PI4KA: variants seen among roughly 807,000 people sequenced by gnomAD.
PI4KA encodes the protein phosphatidylinositol 4-kinase alpha.
In PI4KA, 122 loss-of-function variants were observed where a neutral mutation model predicts 271.4. The observed-to-expected ratio is 0.45, with a 90% CI of 0.39 to 0.52. The LOEUF (loss-of-function observed/expected upper bound fraction) is 0.52, where lower values mean the gene tolerates loss of function less well. Ranked by LOEUF, PI4KA falls within the 20% of genes least tolerant of loss-of-function variation. PI4KA has a pLI of 0.00. For synonymous variants in PI4KA, 1,041 were observed against 1,078.8 expected (o/e 0.96, Z 0.69); for missense variants, 1,969 against 2,769.1 (o/e 0.71, Z 6.48).
intron 28 of PI4KA, among the ~76,000 whole-genome samples, chr22:20,749,019 A>G (rs1243782830): frequency 6.6e-6 from 1 of 152,180 alleles, no homozygotes; most frequent in African/African-American, 2.4e-5. Flanking sequence ...GAAAGTAAAA[A>G]GCTCTATCAG....
intron 1 of PI4KA, among the ~76,000 whole-genome samples, chr22:20,855,184 T>C (rs1372298511): frequency 6.6e-5 from 10 of 151,516 alleles, no homozygotes; most frequent in Admixed American, 2.6e-4. Context: ...AAACTTTTCC[T>C]TGGGAATGCT....
Position 20,772,804 on chromosome 22 carries a change from A to C in PI4KA, c.2329-7111T>G, listed in dbSNP as rs529419535. ...AACACAAATTAAAAAACAAATTATC[A>C]TAAGGCCGGGCACAGTGACTCATGC... On this transcript the variant is annotated intron_variant, in intron 19 of 54. Transcript: ENST00000255882. Among the ~76,000 whole-genome samples the C allele has an allele frequency of 2.6e-5, 4 of 152,174 alleles. No homozygotes were observed. In the East Asian group the frequency reaches 7.7e-4, roughly 29 times the overall value.
chr22:20,756,786 A>G (rs1931358976), intron 23 of PI4KA, among the ~76,000 whole-genome samples: 1 of 151,710 alleles, frequency 6.6e-6, no homozygotes, highest in Non-Finnish European at 1.5e-5. Context: ...ACCTGCCATC[A>G]CACCCAGCTA....
In PI4KA at chr22:20,707,772, G is replaced by T; in HGVS notation, c.*275C>A. ...TCTTTTTTTATACACAATACTTCATGTACCTATGAAATAAGACAGGTAGGG... is the reference window on the plus strand; with the variant it reads ...TCTTTTTTTATACACAATACTTCATTTACCTATGAAATAAGACAGGTAGGG... On this transcript the variant is annotated 3_prime_UTR_variant, in exon 55 of 55. Coordinates refer to ENST00000255882, the MANE Select transcript of PI4KA (RefSeq NM_058004.4). The T allele has an allele frequency of 1.9e-6, 1 of 540,342 alleles. No homozygotes were observed. The highest frequency in any genetic ancestry group is 3.4e-6 in the Non-Finnish European group (1 of 296,226). 33.5% of individuals were successfully genotyped at this position (540,342 alleles called of 1,614,324 possible). A position where few individuals can be genotyped will look rare whatever the true frequency, so the allele number is the denominator to read the frequency against.
chr22:20,734,052 G>A lies in PI4KA; in HGVS notation c.4043C>T (p.Pro1348Leu). Residue 1348 changes from proline (P) to leucine (L), a missense_variant, in exon 34 of 55, where the codon CCC (proline) becomes CTC (leucine). Coordinates refer to ENST00000255882, the MANE Select transcript of PI4KA (RefSeq NM_058004.4). ...GGAAGAGGGCCCTCACTTGAAGCGG[G>A]GCCCGATGGCCGCCACGTGCCGGTT... ...SMNRHVAAIG[P>L]RFKLLTLGLS... The A allele has an allele frequency of 1.9e-6, 3 of 1,592,500 alleles. No individual in the cohort carries two copies. The South Asian group carries it at 3.4e-5, about 18-fold the overall frequency.
intron 12 of PI4KA, among the ~76,000 whole-genome samples, chr22:20,803,617 T>C (rs1208560445): frequency 2.0e-5 from 3 of 152,342 alleles, no homozygotes; most frequent in East Asian, 3.9e-4. Flanking sequence ...CTTGACTTAC[T>C]GGGCTTAAGC....
At chr22:20,782,502 A>AT (rs1933876703) in intron 19 of PI4KA, among the ~76,000 whole-genome samples, 1 of 152,186 alleles carries the variant, frequency 6.6e-6, no homozygotes, top group Non-Finnish European at 1.5e-5. Context: ...AATCATCTCC[A>AT]TTACTAATTT....
chr22:20,729,510 G>A lies in PI4KA; in HGVS notation c.4489-4C>T. Reference sequence around the variant, plus strand: ...TGAGACGCTCGATCTCAGTGGCCTGGCAAGATAAGACATAAGGCCTGATAT... The same window carrying A: ...TGAGACGCTCGATCTCAGTGGCCTGACAAGATAAGACATAAGGCCTGATAT... On this transcript the variant is annotated splice_polypyrimidine_tract_variant and splice_region_variant and intron_variant, in intron 38 of 54. Coordinates refer to ENST00000255882, the MANE Select transcript of PI4KA (RefSeq NM_058004.4). 2 of 1,581,438 alleles carry A rather than the reference G, an allele frequency of 1.3e-6. No homozygotes were observed. Among genetic ancestry groups the A allele is most frequent in the East Asian group, 2.3e-5 (1 of 43,132 alleles).
chr22:20,789,807 T>C (rs898021691), intron 19 of PI4KA, among the ~76,000 whole-genome samples: 13 of 152,206 alleles, frequency 8.5e-5, no homozygotes, highest in South Asian at 6.2e-4. Flanking sequence ...AGGATTTCCA[T>C]GGACAGAGAG....
chr22:20,819,589 G>T, intron 6 of PI4KA, 52 bp downstream of exon 6: 1 of 1,531,206 alleles, frequency 6.5e-7, no homozygotes, highest in Non-Finnish European at 8.9e-7. Context: ...CTTCGCAGGG[G>T]AGCTTAACAG....
At chr22:20,752,261 C>T (rs1434446503) in intron 25 of PI4KA, among the ~76,000 whole-genome samples, 3 of 152,202 alleles carry the variant, frequency 2.0e-5, no homozygotes, top group Non-Finnish European at 4.4e-5. Context: ...GTGCTGGACT[C>T]GTTCTCGTGA....
At chr22:20,853,611 T>A (rs948898677) in intron 1 of PI4KA, among the ~76,000 whole-genome samples, 2 of 152,088 alleles carry the variant, frequency 1.3e-5, no homozygotes, top group Non-Finnish European at 2.9e-5. Flanking sequence ...ACAGACAGAG[T>A]GTCCTCTGAG....
chr22:20,813,581 A>T lies in PI4KA; in HGVS notation c.857-75T>A, dbSNP rs549588989. The T allele has an allele frequency of 1.2e-4, 164 of 1,360,404 alleles. No individual in the cohort carries two copies. The South Asian group carries it at 1.9e-3, about 16-fold the overall frequency. The allele number at this position is 1,360,404 out of a possible 1,614,324, so 84.3% of individuals were successfully genotyped here. ...GTACTTCCTCAAGCTGACTCCCCCAATAACCAACAAAGGTGCAGATTTTGC... is the reference window on the plus strand; with the variant it reads ...GTACTTCCTCAAGCTGACTCCCCCATTAACCAACAAAGGTGCAGATTTTGC... On this transcript the variant is annotated intron_variant, in intron 7 of 54. Coordinates refer to ENST00000255882, the MANE Select transcript of PI4KA (RefSeq NM_058004.4).
intron 25 of PI4KA, among the ~76,000 whole-genome samples, chr22:20,752,035 C>A (rs1930759329): frequency 6.6e-6 from 1 of 152,206 alleles, no homozygotes; most frequent in African/African-American, 2.4e-5. Context: ...GGCCAGGACA[C>A]CCCTCACTTT....
intron 23 of PI4KA, among the ~76,000 whole-genome samples, chr22:20,754,152 T>G (rs923593960): frequency 1.3e-5 from 2 of 152,160 alleles, no homozygotes; most frequent in Non-Finnish European, 2.9e-5. Flanking sequence ...AATGGTGAGA[T>G]CATAGCTCAG....
rs1210899606 is a variant in PI4KA at position 20,751,824 on chromosome 22, C to CA, written c.2988-70_2988-69insT. The CA allele has an allele frequency of 1.7e-5, 24 of 1,386,942 alleles. No homozygotes were observed. In the African/African-American group the frequency reaches 2.6e-4, roughly 15 times the overall value. The allele number at this position is 1,386,942 out of a possible 1,614,324, so 85.9% of individuals were successfully genotyped here. A position where few individuals can be genotyped will look rare whatever the true frequency, so the allele number is the denominator to read the frequency against. On this transcript the variant is annotated intron_variant, in intron 25 of 54. Transcript: ENST00000255882. ...AGGAAGGTCTGCTTCTAGGAGCCCC[C>CA]TCAGCTGCCAGCCCGAGCCCATATC...
chr22:20,778,267 G>GTTA (rs1173574123), intron 19 of PI4KA, among the ~76,000 whole-genome samples: 5 of 152,114 alleles, frequency 3.3e-5, no homozygotes, highest in African/African-American at 1.2e-4. Flanking sequence ...TTGGGGGGCT[G>GTTA]AGGTGGGTGG....
chr22:20,751,763 A>C lies in PI4KA; in HGVS notation c.2988-8T>G. 1 of 1,613,484 alleles carries C rather than the reference A, an allele frequency of 6.2e-7. No individual in the cohort carries two copies. The highest frequency in any genetic ancestry group is 8.5e-7 in the Non-Finnish European group (1 of 1,179,442). ...CAGAGCAAGTGGGGAAACCTGCACC[A>C]AGAGCCAGCTCTCAGGACCAAGAGC... On this transcript the variant is annotated splice_polypyrimidine_tract_variant and splice_region_variant and intron_variant, in intron 25 of 54. Coordinates refer to ENST00000255882, the MANE Select transcript of PI4KA (RefSeq NM_058004.4).
intron 1 of PI4KA, among the ~76,000 whole-genome samples, chr22:20,856,043 A>G (rs547416707): frequency 6.6e-6 from 1 of 152,328 alleles, no homozygotes; most frequent in East Asian, 1.9e-4. Flanking sequence ...GCACTTTGGG[A>G]GACCAAGGCG....
Sources: gnomAD v4.1 joint callset for allele counts (sites outside exome capture counted in the v4.1 genomes callset) on GRCh38, gnomAD v4.1.1 for gene constraint, MANE v1.5 for transcripts, NCBI Gene and HGNC (gene_info 2026-07-23, HGNC 2026-07-21) for gene names.